SLC44A1: variants seen among roughly 807,000 people sequenced by gnomAD.
SLC44A1 encodes the protein solute carrier family 44 member 1.
In SLC44A1, 26 loss-of-function variants were observed where a neutral mutation model predicts 79.3. The ratio of observed to expected loss-of-function variants is 0.33; its 90% CI spans 0.24 to 0.46. The LOEUF is 0.46. Among genes scored for constraint, SLC44A1 ranks in the 20% least tolerant of loss-of-function variants. The probability of loss-of-function intolerance (pLI) is 1.00; values close to 1 mark genes in which losing one functional copy is unlikely to be tolerated. For missense variants in SLC44A1, 688 were observed against 798.1 expected (o/e 0.86, Z 1.66); for synonymous variants, 263 against 286.2 (o/e 0.92, Z 0.82).
Position 105,393,161 on chromosome 9 carries a change from T to C in SLC44A1, c.*4105T>C, listed in dbSNP as rs956691848. On this transcript the variant is annotated 3_prime_UTR_variant, in exon 16 of 16. Coordinates refer to ENST00000374720, the MANE Select transcript of SLC44A1 (RefSeq NM_080546.5). ...TTCATAAGTAAAAGCGTAACGCAGA[T>C]ATTTGTGTATTCTGTATTCACAGCG... is the stretch of plus-strand genomic sequence containing the variant. The C allele has an allele frequency of 5.1e-6, 5 of 985,356 alleles. No individual in the cohort carries two copies. The African/African-American group carries it at 7.0e-5, about 14-fold the overall frequency. 61.0% of individuals were successfully genotyped at this position (985,356 alleles called of 1,614,324 possible).
At chr9:105,282,096 G>A (rs1019159513) in intron 1 of SLC44A1, among the ~76,000 whole-genome samples, 1 of 152,218 alleles carries the variant, frequency 6.6e-6, no homozygotes, top group African/African-American at 2.4e-5. Context: ...ATACAAACCA[G>A]TGCAGGTCTG....
downstream of SLC44A1, among the ~76,000 whole-genome samples, chr9:105,398,456 G>A (rs1051742235): frequency 3.3e-5 from 5 of 152,096 alleles, no homozygotes; most frequent in African/African-American, 1.2e-4. Context: ...CTTTTTTTGA[G>A]TGGTTCTGAT....
At chr9:105,247,977 A>G (rs923470533) in intron 1 of SLC44A1, among the ~76,000 whole-genome samples, 2 of 152,158 alleles carry the variant, frequency 1.3e-5, no homozygotes, top group Admixed American at 6.5e-5. Context: ...TCAGCTTGCA[A>G]AATTGTTCAA....
intron 15 of SLC44A1, among the ~76,000 whole-genome samples, chr9:105,436,277 A>T (rs947082633): frequency 6.6e-5 from 10 of 152,364 alleles, no homozygotes; most frequent in African/African-American, 2.4e-4. Context: ...GACAAATCAC[A>T]ACTTTGGCAT....
At chr9:105,253,860 A>T (rs1454815273) in intron 1 of SLC44A1, among the ~76,000 whole-genome samples, 2 of 152,070 alleles carry the variant, frequency 1.3e-5, no homozygotes, top group African/African-American at 4.8e-5. Flanking sequence ...AGTAGCTTGG[A>T]CTACAGGTAC....
intron 1 of SLC44A1, among the ~76,000 whole-genome samples, chr9:105,266,732 G>T (rs556999624): frequency 2.0e-5 from 3 of 152,246 alleles, no homozygotes; most frequent in African/African-American, 7.2e-5. Flanking sequence ...TTGAAATCAG[G>T]TTATGTGAGT....
chr9:105,303,827 T>C (rs758582653), intron 2 of SLC44A1, among the ~76,000 whole-genome samples: 1 of 152,216 alleles, frequency 6.6e-6, no homozygotes, highest in Non-Finnish European at 1.5e-5. Flanking sequence ...CTCATCAGTA[T>C]CTCAGGCTCT....
intron 15 of SLC44A1, among the ~76,000 whole-genome samples, chr9:105,404,258 A>G (rs1165666352): frequency 6.7e-6 from 1 of 150,284 alleles, no homozygotes; most frequent in African/African-American, 2.5e-5. Flanking sequence ...AAAAAAAAGA[A>G]TGGAGAGAAA....
intron 5 of SLC44A1, among the ~76,000 whole-genome samples, chr9:105,350,521 T>C (rs1038474062): frequency 1.3e-5 from 2 of 152,100 alleles, no homozygotes; most frequent in Non-Finnish European, 2.9e-5. Context: ...CAGGCAAAAC[T>C]ATGAGGCAGG....
chr9:105,420,853 C>A (rs1588878330), intron 15 of SLC44A1, among the ~76,000 whole-genome samples: 1 of 113,038 alleles, frequency 8.8e-6, no homozygotes. Context: ...AAGAGTGAAA[C>A]TCCATCTCAA....
At chr9:105,367,570 A>G (rs1432711686) in intron 12 of SLC44A1, among the ~76,000 whole-genome samples, 2 of 152,156 alleles carry the variant, frequency 1.3e-5, no homozygotes, top group African/African-American at 2.4e-5. Flanking sequence ...TCATAATTGC[A>G]TTTTTATACC....
intron 1 of SLC44A1, among the ~76,000 whole-genome samples, chr9:105,264,357 A>C (rs1197832108): frequency 6.6e-6 from 1 of 152,012 alleles, no homozygotes; most frequent in Non-Finnish European, 1.5e-5. Flanking sequence ...TGTAGAGATG[A>C]GTTCTCATTA....
chr9:105,424,358 A>G (rs1023326582), intron 15 of SLC44A1, among the ~76,000 whole-genome samples: 12 of 152,178 alleles, frequency 7.9e-5, no homozygotes, highest in African/African-American at 2.9e-4. Context: ...GTAGCAGGAG[A>G]TGTGGCTGGA....
chr9:105,335,729 C>T (rs1340911824), intron 4 of SLC44A1, 30 bp downstream of exon 4: 1 of 1,596,406 alleles, frequency 6.3e-7, no homozygotes, highest in African/African-American at 1.3e-5. Context: ...AAATCTATGT[C>T]CTGTCACCTT....
intron 2 of SLC44A1, among the ~76,000 whole-genome samples, chr9:105,308,761 A>G (rs1169953476): frequency 6.6e-6 from 1 of 152,212 alleles, no homozygotes; most frequent in African/African-American, 2.4e-5. Flanking sequence ...CAGTTTACTA[A>G]AGATAATAAA....
chr9:105,368,608 C>T (rs1386478078), intron 12 of SLC44A1, among the ~76,000 whole-genome samples: 1 of 152,172 alleles, frequency 6.6e-6, no homozygotes, highest in African/African-American at 2.4e-5. Context: ...CATTATATCA[C>T]ACTTATATAC....
At chr9:105,249,253 T>C (rs1829524190) in intron 1 of SLC44A1, among the ~76,000 whole-genome samples, 1 of 152,242 alleles carries the variant, frequency 6.6e-6, no homozygotes, top group South Asian at 2.1e-4. Context: ...ATTTTAATAA[T>C]ACCATCATCT....
chr9:105,257,363 C>A (rs1012875040), intron 1 of SLC44A1, among the ~76,000 whole-genome samples: 1 of 150,904 alleles, frequency 6.6e-6, no homozygotes, highest in African/African-American at 2.4e-5. Context: ...CCCAAAGTGC[C>A]GAGATTACAG....
At chr9:105,375,097 A>G (rs529057715) in intron 13 of SLC44A1, among the ~76,000 whole-genome samples, 7 of 152,332 alleles carry the variant, frequency 4.6e-5, no homozygotes, top group Non-Finnish European at 8.8e-5. Context: ...GCTGGAATAC[A>G]ATGGTGCTAT....
Sources: allele counts gnomAD v4.1 joint callset (sites outside exome capture counted in the v4.1 genomes callset), GRCh38; gene constraint gnomAD v4.1.1; transcripts MANE v1.5; gene names NCBI Gene and HGNC (gene_info 2026-07-23, HGNC 2026-07-21).